The following VDAC1 variants were observed in gnomAD, a reference collection of about 807,000 sequenced individuals.
VDAC1 encodes non-selective voltage-gated ion channel VDAC1.
VDAC1 carries 10 observed loss-of-function variants against 34.7 expected under a neutral mutation model. The ratio of observed to expected loss-of-function variants is 0.29; its 90% CI spans 0.18 to 0.49. The LOEUF is 0.49. Among genes scored for constraint, VDAC1 ranks in the 20% least tolerant of loss-of-function variants. VDAC1 has a pLI of 0.99. For missense variants in VDAC1, 230 were observed against 347.9 expected (o/e 0.66, Z 2.69); for synonymous variants, 130 against 136.0 (o/e 0.96, Z 0.30).
the VDAC1 span, among the ~76,000 whole-genome samples, chr5:134,108,310 T>A: frequency 1.3e-5 from 2 of 152,118 alleles, no homozygotes; most frequent in Non-Finnish European, 2.9e-5. Flanking sequence ...GCAGAAAGCA[T>A]TTATTAAGTG....
At chr5:133,975,785 G>T in intron 7 of VDAC1, 86 bp downstream of exon 7, 2 of 1,567,344 alleles carry the variant, frequency 1.3e-6, no homozygotes, top group Non-Finnish European at 1.7e-6. Context: ...GTAAGCTGAA[G>T]CACAGCACTC....
the VDAC1 span, among the ~76,000 whole-genome samples, chr5:134,048,764 G>A: frequency 6.6e-5 from 10 of 151,640 alleles, no homozygotes; most frequent in East Asian, 1.2e-3. Context: ...CTTATCCCCC[G>A]CCGGGCATTT....
chr5:134,095,521 T>TC, the VDAC1 span, among the ~76,000 whole-genome samples: 124 of 150,294 alleles, frequency 8.3e-4, 1 homozygote, highest in African/African-American at 2.6e-3. Flanking sequence ...AATAAATAAA[T>TC]AAATCCAAGA....
At chr5:134,017,169 AT>A in the VDAC1 span, among the ~76,000 whole-genome samples, 1 of 152,132 alleles carries the variant, frequency 6.6e-6, no homozygotes, top group African/African-American at 2.4e-5. Context: ...GCTTGTAGCA[AT>A]TTATAAGTAT....
the VDAC1 span, among the ~76,000 whole-genome samples, chr5:134,035,834 G>A: frequency 1.1e-4 from 16 of 151,858 alleles, no homozygotes; most frequent in Admixed American, 3.3e-4. Context: ...GTGAAACCCC[G>A]TCTCTACTAA....
At chr5:134,005,305 G>C (rs1300619698), upstream of VDAC1, 2 of 152,214 alleles carry the variant, frequency 1.3e-5, no homozygotes, top group Non-Finnish European at 2.9e-5. Context: ...CCCAGGCCCA[G>C]CGCGGACACT....
chr5:134,107,460 T>C, the VDAC1 span, among the ~76,000 whole-genome samples: 1 of 152,246 alleles, frequency 6.6e-6, no homozygotes, highest in Admixed American at 6.5e-5. Flanking sequence ...GGCCCCTACA[T>C]GGCCAGCCGG....
chr5:134,090,413 G>C, the VDAC1 span, among the ~76,000 whole-genome samples: 1 of 152,202 alleles, frequency 6.6e-6, no homozygotes, highest in Non-Finnish European at 1.5e-5. Context: ...GTGCGTGGAT[G>C]GTGAGGGTGG....
At chr5:134,021,344 C>A in the VDAC1 span, among the ~76,000 whole-genome samples, 8 of 151,646 alleles carry the variant, frequency 5.3e-5, no homozygotes, top group African/African-American at 1.7e-4. Context: ...CCCAGCCCCC[C>A]ACCCTCCGAA....
At chr5:134,037,083 T>C in the VDAC1 span, among the ~76,000 whole-genome samples, 1 of 152,044 alleles carries the variant, frequency 6.6e-6, no homozygotes, top group Non-Finnish European at 1.5e-5. Context: ...AGTAACCAAG[T>C]GCAGGAGAAC....
chr5:134,057,551 T>G, the VDAC1 span, among the ~76,000 whole-genome samples: 1 of 136,624 alleles, frequency 7.3e-6, no homozygotes, highest in Non-Finnish European at 1.6e-5. Context: ...AAGCCAAGTG[T>G]GGTGGCTCAT....
chr5:133,976,067 G>C, intron 6 of VDAC1, 46 bp from the exon 7 acceptor site: 1 of 1,612,508 alleles, frequency 6.2e-7, no homozygotes, highest in Non-Finnish European at 8.5e-7. Flanking sequence ...AGGGAGGTGA[G>C]CTGCAGCCCA....
At chr5:134,005,093 TC>T (rs1478561959), upstream of VDAC1, 3 of 152,166 alleles carry the variant, frequency 2.0e-5, no homozygotes, top group Admixed American at 1.3e-4. Flanking sequence ...GAGGAGGCCT[TC>T]CGATTCTCTG....
intron 1 of VDAC1, among the ~76,000 whole-genome samples, chr5:134,003,422 G>C (rs1753636175): frequency 6.6e-6 from 1 of 151,962 alleles, no homozygotes; most frequent in African/African-American, 2.4e-5. Context: ...CTCTAAACCA[G>C]GGTCTGCTCC....
the VDAC1 span, among the ~76,000 whole-genome samples, chr5:134,063,451 G>GGC: frequency 8.5e-5 from 13 of 152,202 alleles, no homozygotes; most frequent in East Asian, 1.9e-4. Flanking sequence ...TTGATTCAGT[G>GGC]ATTTGCTTTG....
the VDAC1 span, among the ~76,000 whole-genome samples, chr5:134,103,660 G>A: frequency 6.6e-6 from 1 of 152,206 alleles, no homozygotes; most frequent in Admixed American, 6.5e-5. Flanking sequence ...TCAGGTATGA[G>A]TCCCAGCAGC....
At chr5:134,008,187 G>C (rs77032617), upstream of VDAC1, among the ~76,000 whole-genome samples, 471 of 150,442 alleles carry the variant, frequency 3.1e-3, 5 homozygotes, top group African/African-American at 0.011. Flanking sequence ...ATGGACCAAT[G>C]AGACCAGATG....
At chr5:134,079,370 C>T in the VDAC1 span, among the ~76,000 whole-genome samples, 65,521 of 152,030 alleles carry the variant, frequency 0.43, 15,123 homozygotes, top group Non-Finnish European at 0.52. Flanking sequence ...GTGGCATCAC[C>T]GTCTGATGGG....
the VDAC1 span, among the ~76,000 whole-genome samples, chr5:134,059,203 G>T: frequency 6.6e-6 from 1 of 152,160 alleles, no homozygotes; most frequent in Non-Finnish European, 1.5e-5. Flanking sequence ...GCCCAGACAG[G>T]AGCAGCAGAC....
Sources: gnomAD v4.1 joint callset for allele counts (sites outside exome capture counted in the v4.1 genomes callset) on GRCh38, gnomAD v4.1.1 for gene constraint, MANE v1.5 for transcripts, NCBI Gene and HGNC (gene_info 2026-07-23, HGNC 2026-07-21) for gene names.